The following OSMR variants were observed in gnomAD, a reference collection of about 807,000 sequenced individuals.
The protein encoded by OSMR is oncostatin M receptor.
Under a neutral mutation model 99.9 loss-of-function variants are expected in OSMR, and 81 were observed. The ratio of observed to expected loss-of-function variants is 0.81; its 90% CI spans 0.68 to 0.97. The LOEUF (loss-of-function observed/expected upper bound fraction) is 0.97, where lower values mean the gene tolerates loss of function less well. OSMR is among the 50% of genes least tolerant of loss of function. OSMR has a pLI of 0.00. For synonymous variants in OSMR, 406 were observed against 410.4 expected (o/e 0.99, Z 0.13); for missense variants, 1,099 against 1,153.4 (o/e 0.95, Z 0.68).
intron 1 of OSMR, among the ~76,000 whole-genome samples, chr5:38,851,987 C>T (rs56926433): frequency 0.018 from 2,731 of 152,332 alleles, 72 homozygotes; most frequent in African/African-American, 0.054. Flanking sequence ...TCCCCAACCA[C>T]GTGGAACTGT....
At chr5:38,863,610 G>C (rs114720516) in intron 1 of OSMR, among the ~76,000 whole-genome samples, 83 of 152,290 alleles carry the variant, frequency 5.5e-4, no homozygotes, top group African/African-American at 1.8e-3. Context: ...TCCATGTGCT[G>C]ATGAGAAGAA....
At chr5:38,880,784 G>T (rs556443517) in intron 3 of OSMR, among the ~76,000 whole-genome samples, 1 of 152,298 alleles carries the variant, frequency 6.6e-6, no homozygotes, top group Non-Finnish European at 1.5e-5. Context: ...GATTATAGAA[G>T]GCCTTGCATG....
chr5:38,846,605 T>A (rs547470012), intron 1 of OSMR, among the ~76,000 whole-genome samples: 1 of 152,242 alleles, frequency 6.6e-6, no homozygotes, highest in East Asian at 1.9e-4. Flanking sequence ...TCGTAACCCT[T>A]GACTCCCACC....
At chr5:38,860,047 T>G (rs1741158237) in intron 1 of OSMR, among the ~76,000 whole-genome samples, 1 of 152,242 alleles carries the variant, frequency 6.6e-6, no homozygotes. Context: ...CTTTCTCAAT[T>G]TGGATGCCTT....
At chr5:38,864,637 G>C (rs1305234568) in intron 1 of OSMR, among the ~76,000 whole-genome samples, 2 of 151,662 alleles carry the variant, frequency 1.3e-5, no homozygotes, top group African/African-American at 2.4e-5. Context: ...TCTGATGGGG[G>C]TTTCCTTATA....
At chr5:38,861,874 C>T (rs1381210091) in intron 1 of OSMR, among the ~76,000 whole-genome samples, 1 of 132,652 alleles carries the variant, frequency 7.5e-6, no homozygotes, top group South Asian at 2.4e-4. Flanking sequence ...GGGCGGGGGG[C>T]TGACCCCCCC....
intron 8 of OSMR, 68 bp from the exon 9 acceptor site, chr5:38,904,285 T>C: frequency 1.9e-6 from 3 of 1,557,880 alleles, no homozygotes; most frequent in Non-Finnish European, 2.6e-6. Flanking sequence ...TGTAATGGGA[T>C]GCACTCACCA....
intron 7 of OSMR, among the ~76,000 whole-genome samples, chr5:38,891,074 C>T (rs577431585): frequency 3.2e-4 from 49 of 152,240 alleles, no homozygotes; most frequent in African/African-American, 1.0e-3. Flanking sequence ...TTGGCCATCG[C>T]GTGGCCACTA....
chr5:38,924,583 G>T lies in OSMR; in HGVS notation c.2032G>T (p.Ala678Ser). Reference sequence around the variant, plus strand: ...GCAGTGCCACCCACGATTTGAAAAGGCAGTTCTTTCAGGTGACATCTATTT... The same window carrying T: ...GCAGTGCCACCCACGATTTGAAAAGTCAGTTCTTTCAGGTGACATCTATTT... ...ARQCHPRFEKAVLSDGSECCK... is the reference protein window; with the variant it reads ...ARQCHPRFEKSVLSDGSECCK... The change falls in exon 14 of 18, where the codon GCA becomes TCA. Residue 678 changes from alanine (A) to serine (S), a missense_variant. By Grantham distance (99) the Ala-to-Ser change is moderately conservative. Coordinates refer to ENST00000274276, the MANE Select transcript of OSMR (RefSeq NM_003999.3). The T allele has an allele frequency of 1.2e-6, 2 of 1,611,260 alleles. No homozygotes were observed. The highest frequency in any genetic ancestry group is 2.2e-5 in the East Asian group (1 of 44,878).
intron 14 of OSMR, chr5:38,924,982 C>A (rs1033599382): frequency 2.1e-6 from 1 of 482,492 alleles, no homozygotes; most frequent in Non-Finnish European, 2.7e-6. Context: ...ATCACTAGTA[C>A]CCCTTGTTCA....
chr5:38,890,615 T>A (rs1218979325), intron 7 of OSMR, among the ~76,000 whole-genome samples: 1 of 150,374 alleles, frequency 6.7e-6, no homozygotes, highest in Non-Finnish European at 1.5e-5. Context: ...TTTTTTTTTT[T>A]TGTCTTATCT....
In OSMR at chr5:38,879,908, T is replaced by A. The variant is rs115504260; in HGVS notation, c.247-1685T>A. On this transcript the variant is annotated intron_variant, in intron 3 of 17. Coordinates refer to ENST00000274276, the MANE Select transcript of OSMR (RefSeq NM_003999.3). ...AAGTCCTGGGATATTTGCTCTTAAA[T>A]TTTAAAAATATTTAAGCAAAATGTA... Among the ~76,000 whole-genome samples, 962 of 152,268 alleles carry A rather than the reference T, an allele frequency of 6.3e-3. 19 individuals are homozygous for A. Among genetic ancestry groups the A allele is most frequent in the African/African-American group, 0.022 (934 of 41,558 alleles).
chr5:38,899,151 G>A (rs1360971526), intron 7 of OSMR, among the ~76,000 whole-genome samples: 1 of 151,962 alleles, frequency 6.6e-6, no homozygotes, highest in Non-Finnish European at 1.5e-5. Flanking sequence ...GTAGAGACAG[G>A]GTTTCACCAT....
chr5:38,888,588 T>C (rs898569905), intron 7 of OSMR, among the ~76,000 whole-genome samples: 1 of 152,332 alleles, frequency 6.6e-6, no homozygotes, highest in African/African-American at 2.4e-5. Context: ...AAAATCATTG[T>C]TAGCATATAT....
intron 1 of OSMR, among the ~76,000 whole-genome samples, chr5:38,864,540 GTTT>G (rs33918195): frequency 2.7e-5 from 4 of 147,252 alleles, no homozygotes; most frequent in Non-Finnish European, 6.0e-5. Context: ...CTTGCCTGAA[GTTT>G]TTTTTTTTTT....
chr5:38,857,543 C>G (rs1168986972), intron 1 of OSMR, among the ~76,000 whole-genome samples: 1 of 152,062 alleles, frequency 6.6e-6, no homozygotes, highest in Non-Finnish European at 1.5e-5. Context: ...TTATGGGGTA[C>G]AGTTGTGATG....
At chr5:38,894,710 T>C (rs986638671) in intron 7 of OSMR, among the ~76,000 whole-genome samples, 2 of 152,064 alleles carry the variant, frequency 1.3e-5, no homozygotes, top group Non-Finnish European at 2.9e-5. Flanking sequence ...GTACTTCTTA[T>C]TTTATTACCT....
chr5:38,848,728 A>T (rs1740090992), intron 1 of OSMR, among the ~76,000 whole-genome samples: 2 of 152,156 alleles, frequency 1.3e-5, no homozygotes, highest in South Asian at 4.1e-4. Flanking sequence ...AGTCTTAGAG[A>T]TCTTTCCATT....
rs749922814 is a variant in OSMR, at chr5:38,886,027, T to C, written c.840-12T>C. 13 of 1,612,598 alleles carry C rather than the reference T, an allele frequency of 8.1e-6. No homozygotes were observed. Among genetic ancestry groups the C allele is most frequent in the Middle Eastern group, 1.8e-4 (1 of 5,528 alleles). ...CTCGTAATGGTTGTGTTATTTTGTT[T>C]TGTTTTTAAAGATTTTCTGGGGAAA... On this transcript the variant is annotated splice_polypyrimidine_tract_variant and intron_variant, in intron 6 of 17. Coordinates refer to ENST00000274276, the MANE Select transcript of OSMR (RefSeq NM_003999.3).
Sources: allele counts gnomAD v4.1 joint callset (sites outside exome capture counted in the v4.1 genomes callset), GRCh38; gene constraint gnomAD v4.1.1; transcripts MANE v1.5; gene names NCBI Gene and HGNC (gene_info 2026-07-23, HGNC 2026-07-21).